MBNL2: variants seen among roughly 807,000 people sequenced by gnomAD.
MBNL2 encodes the protein muscleblind like splicing regulator 2.
MBNL2 carries 17 observed loss-of-function variants against 41.9 expected under a neutral mutation model. That is an observed-to-expected ratio of 0.41 (90% CI 0.28 to 0.61). The LOEUF is 0.61. Among genes scored for constraint, MBNL2 ranks in the 20% least tolerant of loss-of-function variants. The pLI, the probability that MBNL2 is intolerant of heterozygous loss-of-function variation, is 0.35. For synonymous variants in MBNL2, 195 were observed against 182.9 expected, an observed-to-expected ratio of 1.07 and a Z score of -0.53; for missense variants, 336 against 505.6, an observed-to-expected ratio of 0.66 and a Z score of 3.22.
intron 8 of MBNL2, among the ~76,000 whole-genome samples, chr13:97,374,371 T>A (rs2064756599): frequency 6.6e-6 from 1 of 151,116 alleles, no homozygotes; most frequent in Admixed American, 6.6e-5. Context: ...ATGGTCTCGA[T>A]CTCCTGACCT....
chr13:97,154,595 C>T, the MBNL2 span, among the ~76,000 whole-genome samples: 1 of 152,056 alleles, frequency 6.6e-6, no homozygotes, highest in Non-Finnish European at 1.5e-5. Flanking sequence ...GGATTACAGG[C>T]TACCCAGCTG....
At chr13:97,187,678 C>T in the MBNL2 span, among the ~76,000 whole-genome samples, 2 of 145,852 alleles carry the variant, frequency 1.4e-5, no homozygotes, top group Non-Finnish European at 3.0e-5. Flanking sequence ...GAGGCCAAGG[C>T]GGGCAGATCA....
chr13:97,326,798 T>C (rs2059942841), intron 2 of MBNL2, among the ~76,000 whole-genome samples: 1 of 152,224 alleles, frequency 6.6e-6, no homozygotes, highest in Non-Finnish European at 1.5e-5. Flanking sequence ...GCTATTTCAG[T>C]CTCATAGTTA....
At chr13:97,209,934 TACA>T in the MBNL2 span, among the ~76,000 whole-genome samples, 1 of 152,206 alleles carries the variant, frequency 6.6e-6, no homozygotes. Flanking sequence ...TACCTGGGAT[TACA>T]GGTGTGCATC....
At chr13:97,194,260 A>G in the MBNL2 span, among the ~76,000 whole-genome samples, 13 of 152,254 alleles carry the variant, frequency 8.5e-5, no homozygotes, top group South Asian at 2.1e-4. Context: ...AAGTTCCACA[A>G]GGAGAGGGAT....
intron 2 of MBNL2, among the ~76,000 whole-genome samples, chr13:97,331,514 A>G (rs9556701): frequency 0.33 from 49,749 of 152,126 alleles, 10,455 homozygotes; most frequent in African/African-American, 0.6. Flanking sequence ...AAAGATCATC[A>G]TAGATTTTTA....
the MBNL2 span, among the ~76,000 whole-genome samples, chr13:97,186,518 C>A: frequency 6.6e-6 from 1 of 152,156 alleles, no homozygotes; most frequent in African/African-American, 2.4e-5. Context: ...TATAATTGAG[C>A]TACCATTATC....
In MBNL2 at chr13:97,293,237, G is replaced by A. The variant is rs149890420; in HGVS notation, c.174+16828G>A. Among the ~76,000 whole-genome samples, 4 of 152,052 alleles carry A rather than the reference G, an allele frequency of 2.6e-5. No individual in the cohort carries two copies. The East Asian group carries it at 7.7e-4, about 29-fold the overall frequency. On this transcript the variant is annotated intron_variant, in intron 2 of 8. Transcript: ENST00000679496. ...TTTTGGCTGTATCTTATAGATTTTT[G>A]TTAAATAATATTCTCACTTTTGTTA...
intron 2 of MBNL2, among the ~76,000 whole-genome samples, chr13:97,312,598 CCCTAGAATGT>C (rs1297366112): frequency 6.6e-6 from 1 of 152,134 alleles, no homozygotes; most frequent in Non-Finnish European, 1.5e-5. Context: ...GACCAGGAAA[CCCTAGAATGT>C]CTCTTCTCCT....
chr13:97,163,448 A>G, the MBNL2 span, among the ~76,000 whole-genome samples: 1 of 152,160 alleles, frequency 6.6e-6, no homozygotes, highest in African/African-American at 2.4e-5. Context: ...CAGCTGTGGT[A>G]GAATTTGGCA....
the MBNL2 span, among the ~76,000 whole-genome samples, chr13:97,167,457 A>T: frequency 9.8e-5 from 15 of 152,300 alleles, no homozygotes; most frequent in Admixed American, 9.2e-4. Context: ...TTTATAGGAA[A>T]ACCTAGAAAG....
chr13:97,187,769 A>T, the MBNL2 span, among the ~76,000 whole-genome samples: 591 of 151,792 alleles, frequency 3.9e-3, 7 homozygotes, highest in African/African-American at 0.013. Context: ...TAGCCGGGAG[A>T]GGTGGCGGGC....
intron 1 of MBNL2, among the ~76,000 whole-genome samples, chr13:97,241,160 C>A (rs544526300): frequency 6.6e-6 from 1 of 152,290 alleles, no homozygotes; most frequent in Admixed American, 6.5e-5. Flanking sequence ...GAACTGAAGT[C>A]CCCTTCCTTC....
chr13:97,263,621 CTGT>C (rs1160505807), intron 1 of MBNL2, among the ~76,000 whole-genome samples: 1 of 152,084 alleles, frequency 6.6e-6, no homozygotes. Flanking sequence ...GCCTGTACCT[CTGT>C]TGTTATTTAT....
intron 2 of MBNL2, among the ~76,000 whole-genome samples, chr13:97,310,431 T>G (rs1427638564): frequency 6.6e-6 from 1 of 150,636 alleles, no homozygotes; most frequent in African/African-American, 2.5e-5. Context: ...TTTTTTTTTC[T>G]TTTTTTTCTT....
At chr13:97,368,967 G>A (rs1270452620) in intron 8 of MBNL2, among the ~76,000 whole-genome samples, 1 of 151,938 alleles carries the variant, frequency 6.6e-6, no homozygotes. Flanking sequence ...CAGTTTATCA[G>A]ATGTAATAGT....
At position 97,346,007 on chromosome 13, in the gene MBNL2, A is replaced by C. The variant is rs1361094084; in HGVS notation, c.541-797A>C. On this transcript the variant is annotated intron_variant, in intron 4 of 8. Coordinates refer to ENST00000679496, the MANE Select transcript of MBNL2 (RefSeq NM_001382683.1). This position sits in a 1 kb window ranked among gnomAD's most constrained non-coding sequence, Gnocchi z 4.2. ...TATAGGTAGGTAAGCAGGTATATAGATAGGTAGGTAACTAGATTAGATAGA... is the reference window on the plus strand; with the variant it reads ...TATAGGTAGGTAAGCAGGTATATAGCTAGGTAGGTAACTAGATTAGATAGA... 6.6e-6 allele frequency among the ~76,000 whole-genome samples: 1 copy of C among 152,152 alleles called. No homozygotes were observed. Among genetic ancestry groups the C allele is most frequent in the Non-Finnish European group, 1.5e-5 (1 of 68,030 alleles).
chr13:97,189,653 CAT>C, the MBNL2 span, among the ~76,000 whole-genome samples: 11 of 152,172 alleles, frequency 7.2e-5, no homozygotes, highest in South Asian at 2.1e-4. Flanking sequence ...CATTTGCATA[CAT>C]ATATGTGTGT....
chr13:97,293,805 A>C (rs1160925594), intron 2 of MBNL2, among the ~76,000 whole-genome samples: 1 of 151,452 alleles, frequency 6.6e-6, no homozygotes, highest in Non-Finnish European at 1.5e-5. Flanking sequence ...TTTGTTTAAA[A>C]TTTTTTCTTT....
Sources: allele counts gnomAD v4.1 joint callset (sites outside exome capture counted in the v4.1 genomes callset), GRCh38; gene constraint gnomAD v4.1.1; non-coding constraint Gnocchi (gnomAD v3.1); transcripts MANE v1.5; gene names NCBI Gene and HGNC (gene_info 2026-07-23, HGNC 2026-07-21).